LTBP2: variants seen among roughly 807,000 people sequenced by gnomAD.
LTBP2 encodes latent transforming growth factor beta binding protein 2, also known as latent-transforming growth factor beta-binding protein 2.
A neutral mutation model predicts 210.6 loss-of-function variants in LTBP2; 103 were observed. That is an observed-to-expected ratio of 0.49 (90% CI 0.42 to 0.58). LTBP2 has a LOEUF of 0.58. Among genes scored for constraint, LTBP2 ranks in the 20% least tolerant of loss-of-function variants. The probability of loss-of-function intolerance (pLI) is 0.00; values close to 1 mark genes in which losing one functional copy is unlikely to be tolerated. For synonymous variants in LTBP2, 1,007 were observed against 1,015.0 expected (o/e 0.99, Z 0.15); for missense variants, 2,313 against 2,494.5 (o/e 0.93, Z 1.55).
chr14:74,505,127 T>A lies in LTBP2; in HGVS notation c.4225A>T (p.Thr1409Ser), dbSNP rs563545867. 6.2e-7 allele frequency: 1 copy of A among 1,613,790 alleles called. No homozygotes were observed. The highest frequency in any genetic ancestry group is 1.1e-5 in the South Asian group (1 of 91,086). ...TGCCCGGAGTAGCAGTCCATGCGGG[T>A]GGGGGCCGGGGCATGGTCCCCCGTT... The part of the protein sequence containing the change: ...APTGDHAPAP[T>S]RMDCYSGQKG... The change falls in exon 29 of 36, where the codon ACC (threonine) becomes TCC (serine). Residue 1409 changes from threonine (T) to serine (S), a missense_variant. Physicochemically the swap from Thr to Ser is moderately conservative, Grantham distance 58. Coordinates refer to ENST00000261978, the MANE Select transcript of LTBP2 (RefSeq NM_000428.3).
At chr14:74,598,483 CA>C (rs1435439466) in intron 2 of LTBP2, among the ~76,000 whole-genome samples, 1 of 152,194 alleles carries the variant, frequency 6.6e-6, no homozygotes, top group Non-Finnish European at 1.5e-5. Flanking sequence ...ATTCAGTATA[CA>C]CTTATGGACC....
At position 74,506,755 on chromosome 14, in the gene LTBP2, A is replaced by G. The variant is rs777422326; in HGVS notation, c.3976T>C (p.Phe1326Leu). 1 of 1,614,038 alleles carries G rather than the reference A, an allele frequency of 6.2e-7. No homozygotes were observed. The highest frequency in any genetic ancestry group is 2.2e-5 in the East Asian group (1 of 44,882). The change falls in exon 27 of 36, where the codon TTC (phenylalanine) becomes CTC (leucine). Residue 1326 changes from phenylalanine (F) to leucine (L), a missense_variant. Physicochemically the swap from Phe to Leu is conservative, Grantham distance 22. Around this residue, in one of 3 missense-constraint regions of LTBP2, gnomAD observed 1,867 missense variants for 1,976.9 expected, o/e 0.94. Coordinates refer to ENST00000261978, the MANE Select transcript of LTBP2 (RefSeq NM_000428.3). ...HGFCDNTDGS[F>L]RCLCDQGFEI... Reference sequence around the variant, plus strand: ...AAGCCCTGGTCACAGAGGCAGCGGAAGGAGCCATCAGTGTTGTCACAGAAG... The same window carrying G: ...AAGCCCTGGTCACAGAGGCAGCGGAGGGAGCCATCAGTGTTGTCACAGAAG...
chr14:74,536,116 AG>A, intron 8 of LTBP2, 116 bp from the exon 9 acceptor site: 1 of 835,354 alleles, frequency 1.2e-6, no homozygotes, highest in East Asian at 2.6e-5. Flanking sequence ...AGTGAGCCCC[AG>A]CCCCCGAAGC....
At chr14:74,514,440 C>T (rs904191918) in intron 18 of LTBP2, among the ~76,000 whole-genome samples, 2 of 152,222 alleles carry the variant, frequency 1.3e-5, no homozygotes, top group South Asian at 4.1e-4. Context: ...AATCCAGAGA[C>T]CAGCTTGCCA....
chr14:74,527,704 C>T (rs978506783), intron 12 of LTBP2, among the ~76,000 whole-genome samples: 9 of 152,220 alleles, frequency 5.9e-5, no homozygotes, highest in African/African-American at 9.6e-5. Flanking sequence ...TCTGGAGTCA[C>T]CTCCTTGCAC....
intron 18 of LTBP2, among the ~76,000 whole-genome samples, chr14:74,514,822 A>C (rs1309034783): frequency 6.6e-6 from 1 of 152,136 alleles, no homozygotes; most frequent in Non-Finnish European, 1.5e-5. Context: ...GAGGAAATTG[A>C]CTGGGCTCCC....
In LTBP2 at chr14:74,511,340, C is replaced by G. The variant is rs777203280; in HGVS notation, c.2933G>C (p.Gly978Ala). Residue 978 changes from glycine (G) to alanine (A), a missense_variant, in exon 19 of 36, where the codon GGT becomes GCT. Physicochemically the swap from Gly to Ala is moderately conservative, Grantham distance 60 (BLOSUM62 0). Around this residue, in one of 3 missense-constraint regions of LTBP2, gnomAD observed 1,867 missense variants for 1,976.9 expected, o/e 0.94. Transcript: ENST00000261978. ...GACGCATCTCCCATCAGGGCAGGTA[C>G]CGGGGTGACGGCATTCGTTGATATC... Reference protein sequence around the residue: ...CQDINECRHPGTCPDGRCVNS... With the variant: ...CQDINECRHPATCPDGRCVNS... 2.2e-5 allele frequency: 36 copies of G among 1,613,986 alleles called. No individual in the cohort carries two copies. The highest frequency in any genetic ancestry group is 3.0e-5 in the Non-Finnish European group (35 of 1,180,012).
At chr14:74,540,824 T>A (rs559088684) in intron 8 of LTBP2, among the ~76,000 whole-genome samples, 54,097 of 69,106 alleles carry the variant, frequency 0.78, 22,723 homozygotes, top group Non-Finnish European at 0.94. Context: ...ATATATATTT[T>A]TATATAATAT....
intron 6 of LTBP2, among the ~76,000 whole-genome samples, chr14:74,551,798 A>T (rs2087660679): frequency 6.6e-6 from 1 of 152,178 alleles, no homozygotes; most frequent in African/African-American, 2.4e-5. Context: ...CTGATCCCCT[A>T]AAGCATTCTG....
intron 3 of LTBP2, among the ~76,000 whole-genome samples, chr14:74,583,922 C>T (rs561580258): frequency 2.0e-5 from 3 of 152,306 alleles, no homozygotes; most frequent in East Asian, 1.9e-4. Flanking sequence ...CCATGGGAAC[C>T]GGCAGGGGCC....
At chr14:74,542,467 C>T (rs2087520715) in intron 8 of LTBP2, among the ~76,000 whole-genome samples, 1 of 152,248 alleles carries the variant, frequency 6.6e-6, no homozygotes, top group Admixed American at 6.5e-5. Context: ...CTGTGCCAAT[C>T]TCAGCCTGTG....
intron 31 of LTBP2, 41 bp from the exon 32 acceptor site, chr14:74,503,647 T>C (rs199737093): frequency 1.9e-6 from 3 of 1,610,020 alleles, no homozygotes; most frequent in Non-Finnish European, 2.5e-6. Context: ...CAAGGTGGCC[T>C]TTCCACCAAC....
intron 2 of LTBP2, among the ~76,000 whole-genome samples, chr14:74,603,003 T>G (rs182205650): frequency 6.6e-6 from 1 of 152,342 alleles, no homozygotes; most frequent in East Asian, 1.9e-4. Context: ...CATAGGTGCA[T>G]GCAGTCTCCT....
intron 10 of LTBP2, 68 bp from the exon 11 acceptor site, chr14:74,529,190 C>T: frequency 6.5e-7 from 1 of 1,532,462 alleles, no homozygotes; most frequent in Non-Finnish European, 8.8e-7. Flanking sequence ...GCTGGGAGGG[C>T]AGTGGATGGA....
At chr14:74,529,146 G>A in intron 10 of LTBP2, 24 bp from the exon 11 acceptor site, 1 of 1,551,024 alleles carries the variant, frequency 6.4e-7, no homozygotes, top group East Asian at 2.4e-5. Context: ...AGCACGTGGA[G>A]GTGGGCAGGT....
intron 8 of LTBP2, among the ~76,000 whole-genome samples, chr14:74,542,982 T>C (rs949486414): frequency 1.1e-4 from 16 of 152,072 alleles, no homozygotes; most frequent in Admixed American, 3.9e-4. Flanking sequence ...TTGGCCAGGA[T>C]GTTCTCAAAC....
rs2139752239 is a variant in LTBP2 at position 74,555,493 on chromosome 14, G to A, written c.1021+10C>T. ...CTGCTCTTCTAGGACCCAAGACAGG[G>A]TATCCTTACCCCAGGGGGATGAGGG... is the stretch of plus-strand genomic sequence containing the variant. On this transcript the variant is annotated intron_variant, in intron 4 of 35. Coordinates refer to ENST00000261978, the MANE Select transcript of LTBP2 (RefSeq NM_000428.3). The A allele has an allele frequency of 2.5e-6, 4 of 1,613,508 alleles. No individual in the cohort carries two copies. The highest frequency in any genetic ancestry group is 1.7e-4 in the Middle Eastern group (1 of 6,054).
intron 3 of LTBP2, among the ~76,000 whole-genome samples, chr14:74,560,809 A>T (rs2087784222): frequency 6.6e-6 from 1 of 152,232 alleles, no homozygotes; most frequent in Non-Finnish European, 1.5e-5. Context: ...AACTATTAGC[A>T]TTTGCACTGT....
At chr14:74,540,797 A>T (rs28722589) in intron 8 of LTBP2, among the ~76,000 whole-genome samples, 1 of 70,958 alleles carries the variant, frequency 1.4e-5, no homozygotes, top group African/African-American at 5.1e-5. Flanking sequence ...ATATATATTT[A>T]TATATATATA....
Sources: gnomAD v4.1 joint callset for allele counts (sites outside exome capture counted in the v4.1 genomes callset) on GRCh38, gnomAD v4.1.1 for gene constraint, gnomAD v4.1.1 regional missense constraint, MANE v1.5 for transcripts, NCBI Gene and HGNC (gene_info 2026-07-23, HGNC 2026-07-21) for gene names.